The following SRGAP1 variants were observed in gnomAD, a reference collection of about 807,000 sequenced individuals.
SRGAP1 encodes the protein SLIT-ROBO Rho GTPase-activating protein 1.
A neutral mutation model predicts 121.9 loss-of-function variants in SRGAP1; 43 were observed. The ratio of observed to expected loss-of-function variants is 0.35; its 90% CI spans 0.28 to 0.46. The LOEUF (loss-of-function observed/expected upper bound fraction) is 0.46, where lower values mean the gene tolerates loss of function less well. Among genes scored for constraint, SRGAP1 ranks in the 20% least tolerant of loss-of-function variants. The probability of loss-of-function intolerance (pLI) is 1.00; values close to 1 mark genes in which losing one functional copy is unlikely to be tolerated. For missense variants in SRGAP1, 1,102 were observed against 1,350.9 expected (o/e 0.82, Z 2.89); for synonymous variants, 447 against 485.4 (o/e 0.92, Z 1.04).
chr12:64,147,762 A>G lies in SRGAP1; in HGVS notation c.*5090A>G, dbSNP rs950781116. 6.8e-5 allele frequency: 27 copies of G among 398,016 alleles called. No individual in the cohort carries two copies. Among genetic ancestry groups the G allele is most frequent in the African/African-American group, 4.9e-4 (24 of 48,626 alleles). 24.7% of individuals were successfully genotyped at this position (398,016 alleles called of 1,614,324 possible). A position where few individuals can be genotyped will look rare whatever the true frequency, so the allele number is the denominator to read the frequency against. On this transcript the variant is annotated 3_prime_UTR_variant, in exon 22 of 22. Coordinates refer to ENST00000355086, the MANE Select transcript of SRGAP1 (RefSeq NM_020762.4). Reference sequence around the variant, plus strand: ...GTACTGTACATTTTTGGCATGTACCATTACAGGCTTCAGTATACAGTCAGG... The same window carrying G: ...GTACTGTACATTTTTGGCATGTACCGTTACAGGCTTCAGTATACAGTCAGG...
At chr12:63,919,891 G>T (rs2030973371) in intron 1 of SRGAP1, among the ~76,000 whole-genome samples, 1 of 152,096 alleles carries the variant, frequency 6.6e-6, no homozygotes, top group East Asian at 1.9e-4. Context: ...AGAATCAATT[G>T]ATTCATTGCC....
chr12:63,898,013 A>G (rs1477068281), intron 1 of SRGAP1, among the ~76,000 whole-genome samples: 1 of 152,226 alleles, frequency 6.6e-6, no homozygotes, highest in Non-Finnish European at 1.5e-5. Flanking sequence ...CCCTTGGCAC[A>G]GCTGCTTCAC....
intron 6 of SRGAP1, among the ~76,000 whole-genome samples, chr12:64,061,313 A>G (rs1210559743): frequency 6.6e-6 from 1 of 152,186 alleles, no homozygotes. Context: ...GCATTCCTAG[A>G]CTATTTTGGC....
chr12:64,104,458 A>G (rs1013447776), intron 15 of SRGAP1, among the ~76,000 whole-genome samples: 1 of 152,172 alleles, frequency 6.6e-6, no homozygotes, highest in Non-Finnish European at 1.5e-5. Context: ...GAAAAGACCC[A>G]TCTTTCCCTC....
rs576882823 is a variant in SRGAP1, at chr12:64,027,573, A to G, written c.489+10561A>G. The stretch of plus-strand genomic sequence containing the variant: ...GAAAAAGCACAAAGTACATTCATAG[A>G]ATCTCCCTCTGGAGCCCTATCTAAG... On this transcript the variant is annotated intron_variant, in intron 4 of 21. Transcript: ENST00000355086. Among the ~76,000 whole-genome samples the G allele has an allele frequency of 2.6e-5, 4 of 152,222 alleles. No individual in the cohort carries two copies. The East Asian group carries it at 7.7e-4, about 29-fold the overall frequency.
chr12:64,162,105 T>C lies in SRGAP1; in HGVS notation c.*19433T>C, dbSNP rs535443742. 17 of 152,204 alleles carry C rather than the reference T, an allele frequency of 1.1e-4. No individual in the cohort carries two copies. Among genetic ancestry groups the C allele is most frequent in the Non-Finnish European group, 1.8e-4 (12 of 68,044 alleles). The allele number at this position is 152,204 out of a possible 1,614,324, so 9.4% of individuals were successfully genotyped here. A position where few individuals can be genotyped will look rare whatever the true frequency, so the allele number is the denominator to read the frequency against. On this transcript the variant is annotated 3_prime_UTR_variant, in exon 22 of 22. Coordinates refer to ENST00000355086, the MANE Select transcript of SRGAP1 (RefSeq NM_020762.4). ...AATGACTGCTAATGGGAGTATGGGA[T>C]GTTCTTTTGGGGCTGATAAAATGTT...
At chr12:63,882,104 G>A (rs1900213606) in intron 1 of SRGAP1, among the ~76,000 whole-genome samples, 1 of 152,116 alleles carries the variant, frequency 6.6e-6, no homozygotes, top group Non-Finnish European at 1.5e-5. Context: ...GACATTAAAA[G>A]TATGGCAAAA....
chr12:63,858,183 GGTGTGTGT>G (rs34390447), intron 1 of SRGAP1, among the ~76,000 whole-genome samples: 2 of 149,314 alleles, frequency 1.3e-5, no homozygotes, highest in African/African-American at 4.9e-5. Context: ...TTTTGTGTGT[GGTGTGTGT>G]GTGTGTGTGT....
intron 1 of SRGAP1, among the ~76,000 whole-genome samples, chr12:63,889,894 C>G (rs1312045625): frequency 1.3e-5 from 2 of 150,916 alleles, no homozygotes; most frequent in African/African-American, 4.9e-5. Flanking sequence ...GGTGACAGAG[C>G]GAGACTCAGT....
chr12:63,924,233 T>A (rs2031175365), intron 1 of SRGAP1, among the ~76,000 whole-genome samples: 1 of 152,214 alleles, frequency 6.6e-6, no homozygotes, highest in Admixed American at 6.5e-5. Flanking sequence ...GTAGCCACAT[T>A]AATTTTACTT....
chr12:64,022,577 C>T (rs1438880932), intron 4 of SRGAP1, among the ~76,000 whole-genome samples: 4 of 152,134 alleles, frequency 2.6e-5, no homozygotes, highest in South Asian at 2.1e-4. Flanking sequence ...GGGCACCCCA[C>T]GGCCTAGTCA....
chr12:63,912,591 G>T (rs1031142881), intron 1 of SRGAP1, among the ~76,000 whole-genome samples: 1 of 151,350 alleles, frequency 6.6e-6, no homozygotes, highest in Non-Finnish European at 1.5e-5. Context: ...TCCAGCCTGG[G>T]TGATGGAACA....
intron 10 of SRGAP1, among the ~76,000 whole-genome samples, chr12:64,083,063 G>T (rs997569144): frequency 1.3e-5 from 2 of 152,156 alleles, no homozygotes; most frequent in Non-Finnish European, 2.9e-5. Flanking sequence ...ACCATTATAA[G>T]CCTGCTGGCT....
At chr12:64,113,058 A>T (rs1437522788) in intron 17 of SRGAP1, among the ~76,000 whole-genome samples, 1 of 151,868 alleles carries the variant, frequency 6.6e-6, no homozygotes, top group Non-Finnish European at 1.5e-5. Context: ...GTGAGCTCTG[A>T]TCACACCACT....
intron 4 of SRGAP1, among the ~76,000 whole-genome samples, chr12:64,030,669 A>G (rs969865223): frequency 6.6e-6 from 1 of 152,236 alleles, no homozygotes; most frequent in East Asian, 1.9e-4. Flanking sequence ...ATCTGTAAGT[A>G]TGTCAGCCCA....
chr12:63,872,392 C>T (rs1381971440), intron 1 of SRGAP1, among the ~76,000 whole-genome samples: 1 of 152,182 alleles, frequency 6.6e-6, no homozygotes, highest in East Asian at 1.9e-4. Context: ...TTTCTCTTTG[C>T]TTATGGGCTA....
chr12:64,079,638 A>G (rs2035800889), intron 9 of SRGAP1, among the ~76,000 whole-genome samples: 1 of 151,988 alleles, frequency 6.6e-6, no homozygotes, highest in African/African-American at 2.4e-5. Flanking sequence ...GTGAGCTGAG[A>G]TCATTCTACT....
chr12:63,958,876 G>A (rs1479451007), intron 1 of SRGAP1, among the ~76,000 whole-genome samples: 7 of 152,052 alleles, frequency 4.6e-5, no homozygotes, highest in African/African-American at 1.7e-4. Flanking sequence ...TTGATTAATG[G>A]TGTGTCTATT....
intron 1 of SRGAP1, among the ~76,000 whole-genome samples, chr12:63,861,050 T>C (rs1899428815): frequency 6.6e-6 from 1 of 151,866 alleles, no homozygotes; most frequent in Non-Finnish European, 1.5e-5. Flanking sequence ...TTAAGGTTTG[T>C]ATTTATTTTC....
Sources: gnomAD v4.1 joint callset for allele counts (sites outside exome capture counted in the v4.1 genomes callset) on GRCh38, gnomAD v4.1.1 for gene constraint, MANE v1.5 for transcripts, NCBI Gene and HGNC (gene_info 2026-07-23, HGNC 2026-07-21) for gene names.